The following BABAM2 variants were observed in gnomAD, a reference collection of about 807,000 sequenced individuals.
BABAM2 encodes BRISC and BRCA1 A complex member 2, also known as BRISC and BRCA1-A complex member 2.
In BABAM2, 31 loss-of-function variants were observed where a neutral mutation model predicts 54.7. The observed-to-expected ratio is 0.57, with a 90% CI of 0.43 to 0.77. BABAM2 has a LOEUF of 0.77. Among genes scored for constraint, BABAM2 ranks in the 30% least tolerant of loss-of-function variants. The probability of loss-of-function intolerance (pLI) is 0.00; values close to 1 mark genes in which losing one functional copy is unlikely to be tolerated. For synonymous variants in BABAM2, 167 were observed against 162.9 expected (o/e 1.03, Z -0.19); for missense variants, 364 against 455.8 (o/e 0.80, Z 1.83).
At chr2:28,077,451 G>A (rs889815321) in intron 6 of BABAM2, among the ~76,000 whole-genome samples, 1 of 152,066 alleles carries the variant, frequency 6.6e-6, no homozygotes, top group Non-Finnish European at 1.5e-5. Flanking sequence ...GTGTACAGAG[G>A]AGCTGTTTAT....
chr2:27,960,250 CA>C (rs1352923843), intron 3 of BABAM2, among the ~76,000 whole-genome samples: 1 of 152,090 alleles, frequency 6.6e-6, no homozygotes, highest in Non-Finnish European at 1.5e-5. Context: ...TTGATTTTCA[CA>C]AAGTTTGTGA....
intron 6 of BABAM2, among the ~76,000 whole-genome samples, chr2:28,046,256 A>G (rs907229838): frequency 5.3e-5 from 8 of 152,106 alleles, no homozygotes; most frequent in African/African-American, 1.9e-4. Context: ...GGAGTTTGAG[A>G]CCAGCCTGGC....
At chr2:28,330,827 A>T (rs555414537) in intron 11 of BABAM2, among the ~76,000 whole-genome samples, 13 of 152,284 alleles carry the variant, frequency 8.5e-5, no homozygotes, top group East Asian at 1.9e-4. Flanking sequence ...AATTTTTTTA[A>T]AAATTCTACA....
intron 5 of BABAM2, among the ~76,000 whole-genome samples, chr2:28,026,897 A>AT (rs1558667588): frequency 0.044 from 899 of 20,582 alleles, 65 homozygotes; most frequent in African/African-American, 0.1. Context: ...GATATATATA[A>AT]ATATATATAA....
intron 3 of BABAM2, among the ~76,000 whole-genome samples, chr2:27,958,867 G>GT (rs1313817034): frequency 6.6e-6 from 1 of 152,092 alleles, no homozygotes; most frequent in African/African-American, 2.4e-5. Flanking sequence ...AGGAGAGATG[G>GT]TTTTTTCCAG....
At chr2:28,068,714 A>C (rs1663848029) in intron 6 of BABAM2, among the ~76,000 whole-genome samples, 1 of 152,222 alleles carries the variant, frequency 6.6e-6, no homozygotes, top group Non-Finnish European at 1.5e-5. Flanking sequence ...GATCTTACTA[A>C]GAAAACCTGC....
At chr2:28,257,822 C>T (rs1170442587) in intron 10 of BABAM2, among the ~76,000 whole-genome samples, 1 of 152,116 alleles carries the variant, frequency 6.6e-6, no homozygotes, top group Admixed American at 6.6e-5. Flanking sequence ...GAGGTCAGGG[C>T]TGCAGTAAGC....
At chr2:28,026,103 G>C (rs979785945) in intron 5 of BABAM2, among the ~76,000 whole-genome samples, 5 of 152,166 alleles carry the variant, frequency 3.3e-5, no homozygotes, top group Non-Finnish European at 7.3e-5. Flanking sequence ...AGAGGTTGTG[G>C]AGAAATAGGA....
chr2:27,956,859 C>G (rs1026023324), intron 3 of BABAM2, among the ~76,000 whole-genome samples: 62 of 152,048 alleles, frequency 4.1e-4, no homozygotes, highest in African/African-American at 1.4e-3. Context: ...TAGATCAATT[C>G]TTATTACAGA....
chr2:28,290,985 A>G (rs548079750), intron 10 of BABAM2, among the ~76,000 whole-genome samples: 1 of 152,366 alleles, frequency 6.6e-6, no homozygotes, highest in South Asian at 2.1e-4. Context: ...GATGGAAGAA[A>G]AAAACCACTT....
chr2:27,984,010 A>G (rs1056950527), intron 3 of BABAM2, among the ~76,000 whole-genome samples: 7 of 128,096 alleles, frequency 5.5e-5, no homozygotes, highest in African/African-American at 1.2e-4. Flanking sequence ...AATAGAATCA[A>G]CCAGAATGGA....
chr2:28,291,444 A>G (rs1182821995), intron 10 of BABAM2, among the ~76,000 whole-genome samples: 1 of 152,144 alleles, frequency 6.6e-6, no homozygotes, highest in African/African-American at 2.4e-5. Context: ...AATACAAAAA[A>G]TTAGCCAGGC....
chr2:27,908,087 G>A (rs181871274), intron 2 of BABAM2, among the ~76,000 whole-genome samples: 14 of 152,096 alleles, frequency 9.2e-5, no homozygotes, highest in South Asian at 6.2e-4. Flanking sequence ...TTGAGGAACC[G>A]CTATACTGTT....
At position 28,039,751 on chromosome 2, in the gene BABAM2, A is replaced by G. The variant is rs558256047; in HGVS notation, c.496-5974A>G. Among the ~76,000 whole-genome samples, 12 of 152,384 alleles carry G rather than the reference A, an allele frequency of 7.9e-5. No homozygotes were observed. In the East Asian group the frequency reaches 2.3e-3, roughly 29 times the overall value. Reference sequence around the variant, plus strand: ...TGTGATTACCAAAAGCAAAGCTTAGACTTAATAAATTGCCAAAACTCAGAG... The same window carrying G: ...TGTGATTACCAAAAGCAAAGCTTAGGCTTAATAAATTGCCAAAACTCAGAG... On this transcript the variant is annotated intron_variant, in intron 5 of 11. Coordinates refer to ENST00000379624, the MANE Select transcript of BABAM2 (RefSeq NM_199191.3).
rs111635813 is a variant in BABAM2 at position 28,158,408 on chromosome 2, A to G, written c.680+29028A>G. On this transcript the variant is annotated intron_variant, in intron 7 of 11. Transcript: ENST00000379624. ...TAACTACATCAACACAAGAAAGTTA[A>G]AAAGTACTGAAATACACACTGTTGT... Among the ~76,000 whole-genome samples the G allele has an allele frequency of 4.2e-4, 64 of 152,368 alleles. 1 individual carries two copies. The highest frequency in any genetic ancestry group is 1.4e-3 in the African/African-American group (60 of 41,584).
chr2:28,223,609 G>A (rs1680607881), intron 7 of BABAM2, among the ~76,000 whole-genome samples: 1 of 152,186 alleles, frequency 6.6e-6, no homozygotes, highest in Non-Finnish European at 1.5e-5. Context: ...GAGGGGACAG[G>A]AAGATCAATG....
intron 7 of BABAM2, chr2:28,233,119 C>T (rs1294902903): frequency 2.2e-6 from 1 of 452,030 alleles, no homozygotes; most frequent in Non-Finnish European, 4.6e-6. Context: ...TCAGAACAGC[C>T]CTATCACCCT....
intron 2 of BABAM2, among the ~76,000 whole-genome samples, chr2:27,927,897 A>G (rs1558593419): frequency 6.7e-6 from 1 of 149,228 alleles, no homozygotes; most frequent in African/African-American, 2.5e-5. Context: ...AGGCTGGAGC[A>G]AAGTGGTGCA....
intron 4 of BABAM2, chr2:28,016,078 CG>C (rs1218734670): frequency 3.7e-5 from 29 of 778,200 alleles, no homozygotes; most frequent in Non-Finnish European, 6.1e-5. Flanking sequence ...TTTATGTGAA[CG>C]GTTCTTTTTC....
Sources: allele counts gnomAD v4.1 joint callset (sites outside exome capture counted in the v4.1 genomes callset), GRCh38; gene constraint gnomAD v4.1.1; transcripts MANE v1.5; gene names NCBI Gene and HGNC (gene_info 2026-07-23, HGNC 2026-07-21).